GRM7: variants seen among roughly 807,000 people sequenced by gnomAD.
The protein encoded by GRM7 is glutamate metabotropic receptor 7.
GRM7 carries 35 observed loss-of-function variants against 84.5 expected under a neutral mutation model. The ratio of observed to expected loss-of-function variants is 0.41; its 90% CI spans 0.32 to 0.55. The LOEUF is 0.55. GRM7 is among the 20% of genes least tolerant of loss of function. GRM7 has a pLI of 0.19. For missense variants in GRM7, 1,003 were observed against 1,194.6 expected (o/e 0.84, Z 2.36); for synonymous variants, 487 against 455.1 (o/e 1.07, Z -0.89).
At chr3:7,501,193 A>T (rs1347299064) in intron 7 of GRM7, among the ~76,000 whole-genome samples, 1 of 152,242 alleles carries the variant, frequency 6.6e-6, no homozygotes, top group Admixed American at 6.5e-5. Flanking sequence ...AAGCCCATAA[A>T]GTAGATAATA....
intron 4 of GRM7, among the ~76,000 whole-genome samples, chr3:7,408,031 T>G (rs1434964274): frequency 6.6e-6 from 1 of 152,164 alleles, no homozygotes; most frequent in Non-Finnish European, 1.5e-5. Context: ...GAAGTCTATA[T>G]TATCATCGTC....
intron 1 of GRM7, among the ~76,000 whole-genome samples, chr3:6,956,116 C>T (rs958246001): frequency 6.6e-6 from 1 of 152,036 alleles, no homozygotes; most frequent in Non-Finnish European, 1.5e-5. Flanking sequence ...CAAAGTATAC[C>T]CATAAATTCA....
chr3:7,110,612 C>T (rs916607902), intron 1 of GRM7, among the ~76,000 whole-genome samples: 5 of 102,520 alleles, frequency 4.9e-5, no homozygotes, highest in South Asian at 6.7e-4. Flanking sequence ...CACACACACA[C>T]GCACACAATT....
intron 2 of GRM7, among the ~76,000 whole-genome samples, chr3:7,158,955 G>T (rs1408797591): frequency 6.6e-6 from 1 of 152,150 alleles, no homozygotes; most frequent in African/African-American, 2.4e-5. Context: ...CTAGGTTTCA[G>T]ATTGCAATAG....
Position 7,676,720 on chromosome 3 carries a change from C to CT in GRM7, c.2452-3328dup, listed in dbSNP as rs529832638. Among the ~76,000 whole-genome samples, 4 of 152,022 alleles carry CT rather than the reference C, an allele frequency of 2.6e-5. No individual in the cohort carries two copies. In the South Asian group the frequency reaches 6.2e-4, roughly 24 times the overall value. Reference sequence around the variant, plus strand: ...AAGTGCTAGGATTACAGGTGTGAGCCTATGTTTAACTATATTTAGATACAT... The same window carrying CT: ...AAGTGCTAGGATTACAGGTGTGAGCCTTATGTTTAACTATATTTAGATACAT... On this transcript the variant is annotated intron_variant, in intron 8 of 9. Coordinates refer to ENST00000357716, the MANE Select transcript of GRM7 (RefSeq NM_000844.4).
chr3:6,962,206 C>A (rs1005206703), intron 1 of GRM7, among the ~76,000 whole-genome samples: 1 of 152,146 alleles, frequency 6.6e-6, no homozygotes, highest in Admixed American at 6.6e-5. Context: ...ATTTAGGAAA[C>A]GTGAAGACTA....
At chr3:7,342,235 A>G (rs530062721) in intron 4 of GRM7, among the ~76,000 whole-genome samples, 1 of 152,288 alleles carries the variant, frequency 6.6e-6, no homozygotes, top group African/African-American at 2.4e-5. Flanking sequence ...AGACAAAACT[A>G]TGACTTTTAT....
At chr3:7,328,703 A>G (rs1443986480) in intron 4 of GRM7, among the ~76,000 whole-genome samples, 1 of 152,184 alleles carries the variant, frequency 6.6e-6, no homozygotes, top group Admixed American at 6.6e-5. Flanking sequence ...AAGGTCTGTG[A>G]GTCACTAATT....
intron 8 of GRM7, among the ~76,000 whole-genome samples, chr3:7,678,428 A>G (rs996234620): frequency 1.6e-4 from 25 of 152,286 alleles, no homozygotes; most frequent in Admixed American, 1.6e-3. Flanking sequence ...ATGGTTTGCA[A>G]ATCTCTCATA....
At chr3:7,514,725 T>C (rs1700317569) in intron 7 of GRM7, among the ~76,000 whole-genome samples, 1 of 152,178 alleles carries the variant, frequency 6.6e-6, no homozygotes, top group Non-Finnish European at 1.5e-5. Context: ...ATAATTAACA[T>C]ACATCAATGC....
intron 2 of GRM7, among the ~76,000 whole-genome samples, chr3:7,201,178 C>T (rs1696058423): frequency 6.6e-6 from 1 of 151,822 alleles, no homozygotes; most frequent in South Asian, 2.1e-4. Flanking sequence ...ACCATGTTAG[C>T]CAGGATGGTC....
At chr3:7,030,199 A>G (rs1461864949) in intron 1 of GRM7, among the ~76,000 whole-genome samples, 2 of 152,208 alleles carry the variant, frequency 1.3e-5, no homozygotes, top group Non-Finnish European at 1.5e-5. Flanking sequence ...AAAAAGGAGT[A>G]CACTCTATCA....
chr3:7,445,153 G>A (rs188433331), intron 5 of GRM7, among the ~76,000 whole-genome samples: 1 of 152,150 alleles, frequency 6.6e-6, no homozygotes, highest in Non-Finnish European at 1.5e-5. Flanking sequence ...AGGAAATTCT[G>A]CTGAAACATT....
chr3:7,086,125 C>T (rs1444186311), intron 1 of GRM7, among the ~76,000 whole-genome samples: 2 of 152,060 alleles, frequency 1.3e-5, no homozygotes, highest in East Asian at 1.9e-4. Context: ...CACTAGCAGT[C>T]ATTAGGCACA....
At chr3:6,944,570 G>T (rs1470405766) in intron 1 of GRM7, among the ~76,000 whole-genome samples, 1 of 152,044 alleles carries the variant, frequency 6.6e-6, no homozygotes, top group Admixed American at 6.6e-5. Flanking sequence ...TGTTGGATTT[G>T]ATTTCCTTAA....
At chr3:7,689,150 G>T (rs1700699568) in intron 9 of GRM7, among the ~76,000 whole-genome samples, 2 of 152,148 alleles carry the variant, frequency 1.3e-5, no homozygotes, top group Non-Finnish European at 2.9e-5. Context: ...CCCTAGGATG[G>T]TATTTGGATG....
chr3:7,140,579 C>T (rs1693915245), intron 1 of GRM7, among the ~76,000 whole-genome samples: 2 of 151,886 alleles, frequency 1.3e-5, no homozygotes, highest in Admixed American at 6.6e-5. Context: ...TGTTAATGTG[C>T]TGTTGTGAGG....
chr3:7,518,772 A>G (rs1030779107), intron 7 of GRM7, among the ~76,000 whole-genome samples: 6 of 152,224 alleles, frequency 3.9e-5, no homozygotes, highest in African/African-American at 1.4e-4. Flanking sequence ...TGGAAAATAA[A>G]TTTCATGTAA....
chr3:7,005,973 G>A (rs937926309), intron 1 of GRM7, among the ~76,000 whole-genome samples: 4 of 152,092 alleles, frequency 2.6e-5, no homozygotes, highest in African/African-American at 9.7e-5. Context: ...GGTAACGAAG[G>A]GGATATAGCC....
Sources: allele counts gnomAD v4.1 joint callset (sites outside exome capture counted in the v4.1 genomes callset), GRCh38; gene constraint gnomAD v4.1.1; transcripts MANE v1.5; gene names NCBI Gene and HGNC (gene_info 2026-07-23, HGNC 2026-07-21).